Variants in NAALAD2 observed in about 807,000 individuals in gnomAD.
NAALAD2 encodes the protein N-acetylated-alpha-linked acidic dipeptidase 2.
In NAALAD2, 89 loss-of-function variants were observed where a neutral mutation model predicts 95.6. That is an observed-to-expected ratio of 0.93 (90% CI 0.78 to 1.11). The LOEUF is 1.11. Among genes scored for constraint, NAALAD2 ranks in the 50% least tolerant of loss-of-function variants. NAALAD2 has a pLI of 0.00. For synonymous variants in NAALAD2, 264 were observed against 294.4 expected (o/e 0.90, Z 1.06); for missense variants, 894 against 872.4 (o/e 1.02, Z -0.31).
intron 2 of NAALAD2, among the ~76,000 whole-genome samples, chr11:90,139,855 C>CTT (rs71472281): frequency 6.9e-6 from 1 of 144,176 alleles, no homozygotes; most frequent in Non-Finnish European, 1.5e-5. Context: ...CAAACTTTTC[C>CTT]TTTTTTTTTT....
At chr11:90,161,783 C>A (rs920476482) in intron 8 of NAALAD2, among the ~76,000 whole-genome samples, 10 of 151,800 alleles carry the variant, frequency 6.6e-5, no homozygotes, top group African/African-American at 1.2e-4. Context: ...TGACACAATA[C>A]CGATGAATTT....
At chr11:90,190,605 C>A (rs943741880) in intron 18 of NAALAD2, among the ~76,000 whole-genome samples, 4 of 152,034 alleles carry the variant, frequency 2.6e-5, no homozygotes, top group Non-Finnish European at 4.4e-5. Context: ...TCTCTAATTT[C>A]TTGACTCATA....
At chr11:90,169,944 GA>G in intron 12 of NAALAD2, 124 bp from the exon 13 acceptor site, 1 of 691,558 alleles carries the variant, frequency 1.4e-6, no homozygotes, top group Non-Finnish European at 2.6e-6. Context: ...TATTCTTTGG[GA>G]ATAAAATCTT....
chr11:90,147,874 C>G (rs1487709231), intron 3 of NAALAD2, among the ~76,000 whole-genome samples: 1 of 152,104 alleles, frequency 6.6e-6, no homozygotes, highest in African/African-American at 2.4e-5. Context: ...TAGGAGTTAA[C>G]CATGTGACAA....
intron 6 of NAALAD2, among the ~76,000 whole-genome samples, chr11:90,156,780 G>A (rs550912534): frequency 6.6e-6 from 1 of 152,024 alleles, no homozygotes; most frequent in Admixed American, 6.5e-5. Context: ...TTTAGAGATG[G>A]GTCTTGTTGT....
At chr11:90,187,776 C>T (rs972374075) in intron 18 of NAALAD2, among the ~76,000 whole-genome samples, 4 of 152,020 alleles carry the variant, frequency 2.6e-5, no homozygotes, top group African/African-American at 9.7e-5. Context: ...GGAGAGATTA[C>T]CAAATCTGTA....
intron 11 of NAALAD2, among the ~76,000 whole-genome samples, chr11:90,165,046 C>T (rs368949657): frequency 1.3e-5 from 2 of 152,132 alleles, no homozygotes; most frequent in East Asian, 3.9e-4. Flanking sequence ...ATTTAACTCC[C>T]ACTTATAAGT....
At chr11:90,170,532 T>C (rs374374551) in intron 13 of NAALAD2, among the ~76,000 whole-genome samples, 3 of 152,334 alleles carry the variant, frequency 2.0e-5, no homozygotes, top group Non-Finnish European at 4.4e-5. Context: ...AAATGAATTA[T>C]AGCAGCAATA....
rs772010479 is a variant in NAALAD2 at position 90,147,261 on chromosome 11, A to C, written c.195-69A>C. 27 of 1,229,780 alleles carry C rather than the reference A, an allele frequency of 2.2e-5. No homozygotes were observed. The South Asian group carries it at 3.6e-4, about 16-fold the overall frequency. The allele number at this position is 1,229,780 out of a possible 1,614,324, so 76.2% of individuals were successfully genotyped here. ...TGCCCAATGCATAAGTAGTGCATTT[A>C]GAATAGTTCTTAGGCACATCGTCTG... is the stretch of plus-strand genomic sequence containing the variant. On this transcript the variant is annotated intron_variant, in intron 2 of 18. Transcript: ENST00000534061.
intron 2 of NAALAD2, among the ~76,000 whole-genome samples, chr11:90,143,586 T>C (rs1374146917): frequency 6.6e-6 from 1 of 152,156 alleles, no homozygotes; most frequent in Admixed American, 6.6e-5. Context: ...TTATGTCTTC[T>C]ATTAATTTAG....
rs561864133 is a variant in NAALAD2, at chr11:90,192,562, A to T, written c.*815A>T. ...AATTGTAAACTTAAAATATATATAA[A>T]ATTTATTGTATGAAAATTAAGCCTC... is the stretch of plus-strand genomic sequence containing the variant. On this transcript the variant is annotated 3_prime_UTR_variant, in exon 19 of 19. Coordinates refer to ENST00000534061, the MANE Select transcript of NAALAD2 (RefSeq NM_005467.4). 6.6e-6 allele frequency: 1 copy of T among 152,108 alleles called. No individual in the cohort carries two copies. Among genetic ancestry groups the T allele is most frequent in the East Asian group, 1.9e-4 (1 of 5,180 alleles). The allele number at this position is 152,108 out of a possible 1,614,324, so 9.4% of individuals were successfully genotyped here. A position where few individuals can be genotyped will look rare whatever the true frequency, so the allele number is the denominator to read the frequency against.
At chr11:90,159,419 T>C in intron 8 of NAALAD2, 82 bp downstream of exon 8, 1 of 976,530 alleles carries the variant, frequency 1.0e-6, no homozygotes, top group African/African-American at 1.7e-5. Context: ...CTGCCAGGGG[T>C]ATTTTGCTTA....
chr11:90,143,527 C>T (rs1016808139), intron 2 of NAALAD2, among the ~76,000 whole-genome samples: 4 of 152,062 alleles, frequency 2.6e-5, no homozygotes, highest in African/African-American at 9.7e-5. Context: ...GCATAGTTTT[C>T]TTTAAATTTA....
intron 6 of NAALAD2, among the ~76,000 whole-genome samples, chr11:90,155,859 TTA>T (rs1274706367): frequency 4.2e-5 from 6 of 142,514 alleles, no homozygotes; most frequent in Non-Finnish European, 9.0e-5. Context: ...ATATATTATA[TTA>T]TATATAATAT....
intron 2 of NAALAD2, among the ~76,000 whole-genome samples, chr11:90,137,329 T>C (rs1277471008): frequency 6.6e-6 from 1 of 152,126 alleles, no homozygotes; most frequent in African/African-American, 2.4e-5. Context: ...TTAACAATAA[T>C]TTATTGTATA....
intron 18 of NAALAD2, among the ~76,000 whole-genome samples, chr11:90,186,426 C>T (rs935506010): frequency 4.6e-5 from 7 of 152,058 alleles, no homozygotes; most frequent in African/African-American, 1.7e-4. Flanking sequence ...TCCAGTCTAT[C>T]ATTGTTGGAC....
In NAALAD2 at chr11:90,163,558, A is replaced by AT. The variant is rs767314829; in HGVS notation, c.1224dup (p.Ala409CysfsTer18). On this transcript the variant is annotated frameshift_variant, in exon 11 of 19. Coordinates refer to ENST00000534061, the MANE Select transcript of NAALAD2 (RefSeq NM_005467.4). LOFTEE classifies it high-confidence loss of function. Reference sequence around the variant, plus strand: ...AGGCTGGAGACCTAGAAGAACTATCATTTTTGCCAGCTGGGATGCAGAAGA... The same window carrying AT: ...AGGCTGGAGACCTAGAAGAACTATCATTTTTTGCCAGCTGGGATGCAGAAGA... 5 of 1,614,010 alleles carry AT rather than the reference A, an allele frequency of 3.1e-6. No homozygotes were observed. The East Asian group carries it at 1.1e-4, about 36-fold the overall frequency.
At chr11:90,167,528 C>T (rs1041787683) in intron 11 of NAALAD2, among the ~76,000 whole-genome samples, 17 of 152,336 alleles carry the variant, frequency 1.1e-4, no homozygotes, top group African/African-American at 3.8e-4. Context: ...GAAGTGCCGG[C>T]GCACATCGTG....
chr11:90,157,233 T>C (rs1952141526), intron 6 of NAALAD2, among the ~76,000 whole-genome samples: 1 of 152,178 alleles, frequency 6.6e-6, no homozygotes. Context: ...ATGATAGAAC[T>C]ATTATTTTAC....
Sources: allele counts gnomAD v4.1 joint callset (sites outside exome capture counted in the v4.1 genomes callset), GRCh38; gene constraint gnomAD v4.1.1; transcripts MANE v1.5; gene names NCBI Gene and HGNC (gene_info 2026-07-23, HGNC 2026-07-21).